MCPH1: variants seen among roughly 807,000 people sequenced by gnomAD.
MCPH1 encodes the protein microcephalin 1.
Under a neutral mutation model 84.5 loss-of-function variants are expected in MCPH1, and 104 were observed. The ratio of observed to expected loss-of-function variants is 1.23; its 90% confidence interval spans 1.05 to 1.45. The LOEUF is 1.45. Ranked by LOEUF, MCPH1 falls within the 40% of genes most tolerant of loss-of-function variation. The pLI, the probability that MCPH1 is intolerant of heterozygous loss-of-function variation, is 0.00. For synonymous variants in MCPH1, 514 were observed against 366.8 expected, an observed-to-expected ratio of 1.40 and a Z score of -4.58; for missense variants, 1,498 against 1,005.7, an observed-to-expected ratio of 1.49 and a Z score of -6.62.
chr8:6,535,100 C>A (rs1377181048), intron 12 of MCPH1, among the ~76,000 whole-genome samples: 3 of 152,312 alleles, frequency 2.0e-5, no homozygotes, highest in African/African-American at 4.8e-5. Flanking sequence ...TAATAATTTA[C>A]AAAGTGGTAT....
intron 12 of MCPH1, among the ~76,000 whole-genome samples, chr8:6,548,129 A>C (rs1474041196): frequency 6.6e-6 from 1 of 152,164 alleles, no homozygotes; most frequent in African/African-American, 2.4e-5. Flanking sequence ...TTTGGGATTC[A>C]AATTATGAGT....
At chr8:6,414,332 A>G (rs1027366669) in intron 2 of MCPH1, among the ~76,000 whole-genome samples, 1 of 152,200 alleles carries the variant, frequency 6.6e-6, no homozygotes, top group Admixed American at 6.5e-5. Flanking sequence ...TTAAGATATG[A>G]GGTATTTTTA....
chr8:6,505,251 T>TAACA lies in MCPH1; in HGVS notation c.2214+5322_2214+5323insAACA, dbSNP rs1563305171. ...TATGTATATATAGAATATATATTCT[T>TAACA]TATATATGTTTTATATATATGTATA... On this transcript the variant is annotated intron_variant, in intron 12 of 13. Coordinates refer to ENST00000344683, the MANE Select transcript of MCPH1 (RefSeq NM_024596.5). Among the ~76,000 whole-genome samples, 53 of 82,178 alleles carry TAACA rather than the reference T, an allele frequency of 6.4e-4. 11 individuals are homozygous for TAACA. The highest frequency in any genetic ancestry group is 2.6e-3 in the African/African-American group (51 of 19,990). 53.9% of individuals were successfully genotyped at this position (82,178 alleles called of 152,430 possible).
chr8:6,417,355 C>T (rs1012867074), intron 3 of MCPH1, among the ~76,000 whole-genome samples: 2 of 151,958 alleles, frequency 1.3e-5, no homozygotes, highest in South Asian at 4.2e-4. Context: ...GTGTGAAAGG[C>T]GTAATAGAAA....
intron 8 of MCPH1, among the ~76,000 whole-genome samples, chr8:6,450,903 C>T (rs756384372): frequency 2.0e-5 from 3 of 152,178 alleles, no homozygotes; most frequent in East Asian, 3.9e-4. Flanking sequence ...CCACCACACT[C>T]GGCTACGTTC....
chr8:6,440,320 C>A (rs979038602), intron 6 of MCPH1, among the ~76,000 whole-genome samples: 2 of 152,058 alleles, frequency 1.3e-5, no homozygotes, highest in African/African-American at 4.8e-5. Flanking sequence ...CTGTTATAAC[C>A]CCTGCATGTG....
intron 12 of MCPH1, 51 bp from the exon 13 acceptor site, chr8:6,621,403 G>A (rs762279386): frequency 1.7e-5 from 28 of 1,607,636 alleles, no homozygotes; most frequent in Non-Finnish European, 2.2e-5. Flanking sequence ...CCTACGCTAT[G>A]GAGACTGGAG....
At chr8:6,631,523 CA>C (rs766885936) in intron 13 of MCPH1, among the ~76,000 whole-genome samples, 4 of 151,494 alleles carry the variant, frequency 2.6e-5, no homozygotes, top group Admixed American at 6.6e-5. Context: ...AACATTTCTT[CA>C]AAAAAGATGA....
chr8:6,465,132 G>T (rs1169813037), intron 9 of MCPH1, among the ~76,000 whole-genome samples: 13 of 152,230 alleles, frequency 8.5e-5, no homozygotes, highest in Admixed American at 8.5e-4. Flanking sequence ...CGTTTGCGGG[G>T]AGTCAGCTTA....
At chr8:6,455,673 G>A (rs1174927589) in intron 9 of MCPH1, among the ~76,000 whole-genome samples, 1 of 152,156 alleles carries the variant, frequency 6.6e-6, no homozygotes, top group East Asian at 1.9e-4. Context: ...CTAACACTCA[G>A]GTACACCCTT....
At position 6,416,715 on chromosome 8, in the gene MCPH1, C is replaced by T. The variant is rs536190418; in HGVS notation, c.233+1832C>T. Among the ~76,000 whole-genome samples the T allele has an allele frequency of 1.1e-4, 17 of 152,168 alleles. 1 individual carries two copies. The highest frequency in any genetic ancestry group is 5.8e-4 in the East Asian group (3 of 5,188). On this transcript the variant is annotated intron_variant, in intron 3 of 13. Transcript: ENST00000344683. ...TGCCTTTTTAATTGTTGGAACAGGC[C>T]GGATGCGGTGGCTCACACCTGTAAT...
intron 11 of MCPH1, among the ~76,000 whole-genome samples, chr8:6,495,032 G>A (rs933666992): frequency 6.6e-6 from 1 of 152,166 alleles, no homozygotes; most frequent in South Asian, 2.1e-4. Flanking sequence ...TATGAGATGT[G>A]TTGGAAATAC....
In MCPH1 at chr8:6,609,329, C is replaced by T. The variant is rs977537229; in HGVS notation, c.2215-12125C>T. On this transcript the variant is annotated intron_variant, in intron 12 of 13. Coordinates refer to ENST00000344683, the MANE Select transcript of MCPH1 (RefSeq NM_024596.5). ...CACTATCGGGGACAGAAACCTACCG[C>T]GTTCGAGTTTTGACATATTTCTCGC... Among the ~76,000 whole-genome samples, 9 of 152,130 alleles carry T rather than the reference C, an allele frequency of 5.9e-5. No homozygotes were observed. The East Asian group carries it at 1.2e-3, about 20-fold the overall frequency.
chr8:6,530,752 T>G (rs1819343665), intron 12 of MCPH1, among the ~76,000 whole-genome samples: 2 of 152,200 alleles, frequency 1.3e-5, no homozygotes, highest in African/African-American at 4.8e-5. Flanking sequence ...TTCTATTCTC[T>G]TATCTGTAAG....
chr8:6,546,524 A>C (rs536686983), intron 12 of MCPH1, among the ~76,000 whole-genome samples: 7 of 135,216 alleles, frequency 5.2e-5, no homozygotes, highest in African/African-American at 2.1e-4. Flanking sequence ...TTACTTAAGA[A>C]AGAAAATAAA....
At chr8:6,601,303 C>G (rs886285764) in intron 12 of MCPH1, among the ~76,000 whole-genome samples, 1 of 152,168 alleles carries the variant, frequency 6.6e-6, no homozygotes, top group Non-Finnish European at 1.5e-5. Context: ...AGTCATTTCC[C>G]TTCTCTGAAG....
chr8:6,524,793 T>C (rs1818020850), intron 12 of MCPH1, among the ~76,000 whole-genome samples: 2 of 152,332 alleles, frequency 1.3e-5, no homozygotes, highest in Admixed American at 1.3e-4. Flanking sequence ...ATAGAAGTTA[T>C]CACAGGGAAT....
chr8:6,495,732 A>G (rs188548388), intron 11 of MCPH1, among the ~76,000 whole-genome samples: 97 of 152,360 alleles, frequency 6.4e-4, no homozygotes, highest in African/African-American at 2.2e-3. Flanking sequence ...TGGAGGAGAT[A>G]GTGGCAAAAA....
chr8:6,640,089 T>C (rs569590350), intron 13 of MCPH1, among the ~76,000 whole-genome samples: 69 of 145,144 alleles, frequency 4.8e-4, no homozygotes, highest in African/African-American at 1.8e-3. Context: ...TGTGTGTGTG[T>C]GTGTGTGTGC....
Sources: allele counts gnomAD v4.1 joint callset (sites outside exome capture counted in the v4.1 genomes callset), GRCh38; gene constraint gnomAD v4.1.1; transcripts MANE v1.5; gene names NCBI Gene and HGNC (gene_info 2026-07-23, HGNC 2026-07-21).